SLC2A9: variants seen among roughly 807,000 people sequenced by gnomAD.
SLC2A9 encodes solute carrier family 2 member 9.
SLC2A9 carries 39 observed loss-of-function variants against 50.6 expected under a neutral mutation model. That is an observed-to-expected ratio of 0.77 (90% CI 0.60 to 1.01). The LOEUF is 1.01. Ranked by LOEUF, SLC2A9 falls within the 50% of genes least tolerant of loss-of-function variation. SLC2A9 has a pLI of 0.00. For missense variants in SLC2A9, 686 were observed against 677.6 expected, an observed-to-expected ratio of 1.01 and a Z score of -0.14; for synonymous variants, 324 against 276.9, an observed-to-expected ratio of 1.17 and a Z score of -1.69.
chr4:9,916,631 C>T (rs1011551211), intron 7 of SLC2A9, among the ~76,000 whole-genome samples: 3 of 152,176 alleles, frequency 2.0e-5, no homozygotes, highest in Admixed American at 6.5e-5. Context: ...TTATCATCCC[C>T]ATTTTTCAGG....
chr4:9,931,548 G>A (rs1019972543), intron 6 of SLC2A9, among the ~76,000 whole-genome samples: 1 of 152,188 alleles, frequency 6.6e-6, no homozygotes, highest in Non-Finnish European at 1.5e-5. Flanking sequence ...TTCAAGGCGA[G>A]TGTGTTTCAG....
At chr4:10,005,153 C>A (rs986159607) in intron 2 of SLC2A9, among the ~76,000 whole-genome samples, 1 of 152,082 alleles carries the variant, frequency 6.6e-6, no homozygotes, top group African/African-American at 2.4e-5. Context: ...AGTAAACATA[C>A]AATTATAACA....
At position 9,997,119 on chromosome 4, in the gene SLC2A9, T is replaced by C. The variant is rs1758817807; in HGVS notation, c.250-178A>G. On this transcript the variant is annotated intron_variant, in intron 2 of 11. Coordinates refer to ENST00000264784, the MANE Select transcript of SLC2A9 (RefSeq NM_020041.3). ...CAAATTTTGGGAAGAGCAGAAGATGTTAATCTTTATTATATTCAAATGAGC... is the reference window on the plus strand; with the variant it reads ...CAAATTTTGGGAAGAGCAGAAGATGCTAATCTTTATTATATTCAAATGAGC... 2.0e-5 allele frequency among the ~76,000 whole-genome samples: 3 copies of C among 152,228 alleles called. No homozygotes were observed. The South Asian group carries it at 6.2e-4, about 31-fold the overall frequency.
chr4:9,870,485 G>A (rs569171816), intron 10 of SLC2A9, among the ~76,000 whole-genome samples: 9 of 152,276 alleles, frequency 5.9e-5, no homozygotes, highest in South Asian at 2.1e-4. Context: ...CCCAGCATAC[G>A]CACCAAAACT....
intron 1 of SLC2A9, among the ~76,000 whole-genome samples, chr4:9,774,115 T>G (rs1334985330): frequency 1.3e-5 from 2 of 151,350 alleles, no homozygotes; most frequent in Middle Eastern, 3.2e-3. Flanking sequence ...TCCCTCAGCC[T>G]CCTGAGTAGC....
intron 7 of SLC2A9, among the ~76,000 whole-genome samples, chr4:9,918,890 G>A (rs562580924): frequency 6.6e-6 from 1 of 152,248 alleles, no homozygotes; most frequent in South Asian, 2.1e-4. Context: ...TCTGAGGATG[G>A]GGCCTCATGA....
chr4:9,943,922 G>C (rs139285468), intron 5 of SLC2A9, among the ~76,000 whole-genome samples: 1 of 152,246 alleles, frequency 6.6e-6, no homozygotes, highest in Non-Finnish European at 1.5e-5. Flanking sequence ...CACACAGCCA[G>C]CAATACTGCT....
rs1458548663 is a variant in SLC2A9 at position 9,971,979 on chromosome 4, C to G, written c.681+8613G>C. Among the ~76,000 whole-genome samples, 4 of 152,348 alleles carry G rather than the reference C, an allele frequency of 2.6e-5. No homozygotes were observed. The East Asian group carries it at 7.7e-4, about 29-fold the overall frequency. ...GATCCTTCTATTCAAAGATAACTAT[C>G]TCAAAAACAATTACATAATTCGTCT... On this transcript the variant is annotated intron_variant, in intron 5 of 11. Transcript: ENST00000264784.
At chr4:9,820,314 C>A (rs1348195508) in intron 3 of SLC2A9, among the ~76,000 whole-genome samples, 1 of 152,138 alleles carries the variant, frequency 6.6e-6, no homozygotes, top group Non-Finnish European at 1.5e-5. Flanking sequence ...TTCCACTGAT[C>A]TTTGTGTCTA....
chr4:10,001,160 G>T (rs758300681), intron 2 of SLC2A9, among the ~76,000 whole-genome samples: 5 of 152,170 alleles, frequency 3.3e-5, no homozygotes, highest in Non-Finnish European at 5.9e-5. Flanking sequence ...GGTACAGAGT[G>T]AATTTTGTTC....
intron 6 of SLC2A9, among the ~76,000 whole-genome samples, chr4:9,931,960 CTCTATATATATA>C (rs1272375043): frequency 4.5e-5 from 1 of 22,350 alleles, no homozygotes; most frequent in African/African-American, 2.3e-4. Flanking sequence ...CTCTCTCTCT[CTCTATATATATA>C]TATATATATA....
chr4:9,951,982 G>A (rs1298368119), intron 5 of SLC2A9, among the ~76,000 whole-genome samples: 2 of 152,248 alleles, frequency 1.3e-5, no homozygotes, highest in Non-Finnish European at 2.9e-5. Flanking sequence ...CCACGGCTCA[G>A]CTCATAAGAC....
chr4:10,021,280 C>T lies in SLC2A9; in HGVS notation c.150G>A (p.Lys50=). 6.2e-7 allele frequency: 1 copy of T among 1,613,482 alleles called. No homozygotes were observed. Among genetic ancestry groups the T allele is most frequent in the Non-Finnish European group, 8.5e-7 (1 of 1,180,042 alleles). ...RSGVPGGRRR[K]DWSCSLLVAS... is the part of the protein sequence containing the mutation. ...ATGCAGAAAAGCTGTCCGTAGTTAC[C>T]TTTCTTCTCCTTCCACCTGGCACCC... is the stretch of plus-strand genomic sequence containing the variant. The change falls in exon 1 of 12, where the codon AAG becomes AAA. Residue 50 remains lysine, a splice_region_variant and synonymous_variant. Coordinates refer to ENST00000264784, the MANE Select transcript of SLC2A9 (RefSeq NM_020041.3).
chr4:9,799,695 C>CCCCA (rs1553813201), intron 3 of SLC2A9, among the ~76,000 whole-genome samples: 1 of 59,392 alleles, frequency 1.7e-5, no homozygotes, highest in African/African-American at 5.8e-5. Flanking sequence ...CAATTGTACC[C>CCCCA]CCCCCCCACC....
chr4:9,816,832 C>A (rs1048401346), intron 3 of SLC2A9, among the ~76,000 whole-genome samples: 1 of 122,342 alleles, frequency 8.2e-6, no homozygotes, highest in African/African-American at 2.7e-5. Context: ...AAAAAAAAAA[C>A]GATGACACGC....
chr4:10,039,199 C>A (rs1177797222), intron 1 of SLC2A9, among the ~76,000 whole-genome samples: 1 of 152,218 alleles, frequency 6.6e-6, no homozygotes, highest in Non-Finnish European at 1.5e-5. Flanking sequence ...AGTAGAACTG[C>A]CTTACTCAGA....
At chr4:9,969,231 T>C (rs959055041) in intron 5 of SLC2A9, among the ~76,000 whole-genome samples, 1 of 152,184 alleles carries the variant, frequency 6.6e-6, no homozygotes, top group African/African-American at 2.4e-5. Flanking sequence ...GGATATGTTA[T>C]TGGTATATAT....
intron 10 of SLC2A9, among the ~76,000 whole-genome samples, chr4:9,872,504 G>T (rs1006707905): frequency 2.0e-5 from 3 of 152,210 alleles, no homozygotes; most frequent in African/African-American, 7.2e-5. Context: ...TTTTCCAAAC[G>T]CTTGAATGAA....
intron 10 of SLC2A9, among the ~76,000 whole-genome samples, chr4:9,837,921 T>C (rs1179754678): frequency 5.9e-5 from 9 of 152,172 alleles, no homozygotes; most frequent in Non-Finnish European, 1.2e-4. Context: ...TTGGTGTTAG[T>C]AAGATCAGGT....
Sources: allele counts gnomAD v4.1 joint callset (sites outside exome capture counted in the v4.1 genomes callset), GRCh38; gene constraint gnomAD v4.1.1; transcripts MANE v1.5; gene names NCBI Gene and HGNC (gene_info 2026-07-23, HGNC 2026-07-21).